PRKCB: variants seen among roughly 807,000 people sequenced by gnomAD.
PRKCB encodes protein kinase C beta type.
A neutral mutation model predicts 81.5 loss-of-function variants in PRKCB; 13 were observed. The observed-to-expected ratio is 0.16, with a 90% confidence interval of 0.10 to 0.25. The LOEUF is 0.25. PRKCB is among the 10% of genes least tolerant of loss of function. PRKCB has a pLI of 1.00. For missense variants in PRKCB, 509 were observed against 875.7 expected (o/e 0.58, Z 5.29); for synonymous variants, 335 against 321.4 (o/e 1.04, Z -0.45).
At chr16:24,085,907 A>G (rs1202239470) in intron 5 of PRKCB, among the ~76,000 whole-genome samples, 1 of 152,140 alleles carries the variant, frequency 6.6e-6, no homozygotes, top group Admixed American at 6.5e-5. Flanking sequence ...CAACACAGAT[A>G]ATTAGATGTG....
At chr16:24,108,971 C>A (rs1220553068) in intron 7 of PRKCB, among the ~76,000 whole-genome samples, 2 of 142,550 alleles carry the variant, frequency 1.4e-5, no homozygotes, top group Non-Finnish European at 1.5e-5. Flanking sequence ...GGGGGCTGGC[C>A]GGGCGGGGGA....
chr16:23,893,139 A>G (rs879018445), intron 2 of PRKCB: 1 of 152,164 alleles, frequency 6.6e-6, no homozygotes, highest in Non-Finnish European at 1.5e-5. Context: ...CTTCTCCTCA[A>G]AAAAATCTGA....
Position 24,188,051 on chromosome 16 carries a change from C to T in PRKCB, c.1722+2484C>T, listed in dbSNP as rs896831023. Among the ~76,000 whole-genome samples, 3 of 152,238 alleles carry T rather than the reference C, an allele frequency of 2.0e-5. No individual in the cohort carries two copies. The South Asian group carries it at 6.2e-4, about 31-fold the overall frequency. ...TCACACGCCCGCCCTGCCTGGACAG[C>T]TGGGGGTTCTAAATGGGTCATGGAG... On this transcript the variant is annotated intron_variant, in intron 15 of 16. Transcript: ENST00000643927.
intron 2 of PRKCB, among the ~76,000 whole-genome samples, chr16:23,875,370 A>G (rs1962977593): frequency 6.6e-6 from 1 of 151,948 alleles, no homozygotes; most frequent in Admixed American, 6.6e-5. Flanking sequence ...AAAATACTGG[A>G]TGAGACAAGA....
At position 23,927,394 on chromosome 16, in the gene PRKCB, G is replaced by A. The variant is rs1400829472; in HGVS notation, c.206-61114G>A. On this transcript the variant is annotated intron_variant, in intron 2 of 16. Transcript: ENST00000643927. ...GGGGATGTGTTTAGGGACAAGCTCAGAGAAAAGGAAGTAAGGAACCCTGTC... is the reference window on the plus strand; with the variant it reads ...GGGGATGTGTTTAGGGACAAGCTCAAAGAAAAGGAAGTAAGGAACCCTGTC... Among the ~76,000 whole-genome samples the A allele has an allele frequency of 1.3e-5, 2 of 152,098 alleles. 1 individual carries two copies. Among genetic ancestry groups the A allele is most frequent in the Middle Eastern group, 6.3e-3 (2 of 316 alleles).
intron 10 of PRKCB, among the ~76,000 whole-genome samples, chr16:24,155,405 C>A (rs1339389808): frequency 6.6e-6 from 1 of 152,204 alleles, no homozygotes; most frequent in East Asian, 1.9e-4. Context: ...CCATTTTCTG[C>A]TCTTGACTGT....
chr16:24,184,427 C>G (rs1967671770), intron 13 of PRKCB, among the ~76,000 whole-genome samples: 1 of 151,206 alleles, frequency 6.6e-6, no homozygotes, highest in Non-Finnish European at 1.5e-5. Context: ...TGCACTCCAG[C>G]CTGGGTGACA....
chr16:23,978,451 C>G (rs1053444224), intron 2 of PRKCB, among the ~76,000 whole-genome samples: 1 of 152,214 alleles, frequency 6.6e-6, no homozygotes, highest in South Asian at 2.1e-4. Flanking sequence ...GTGGAATGTG[C>G]CATTTCTATT....
intron 5 of PRKCB, among the ~76,000 whole-genome samples, chr16:24,082,292 G>T (rs930972840): frequency 6.6e-6 from 1 of 152,204 alleles, no homozygotes; most frequent in African/African-American, 2.4e-5. Flanking sequence ...TCTTACGATT[G>T]ATTTGTAGGC....
intron 8 of PRKCB, among the ~76,000 whole-genome samples, chr16:24,113,962 A>C (rs1966708196): frequency 6.6e-6 from 1 of 151,888 alleles, no homozygotes; most frequent in South Asian, 2.1e-4. Flanking sequence ...CACACCTGTA[A>C]TTCCAGCACT....
At chr16:24,129,065 C>A (rs1016566172) in intron 9 of PRKCB, among the ~76,000 whole-genome samples, 2 of 152,138 alleles carry the variant, frequency 1.3e-5, no homozygotes, top group South Asian at 4.1e-4. Context: ...ATATTATAAA[C>A]GTGATTCCTC....
chr16:24,039,588 G>A (rs1044501400), intron 5 of PRKCB, among the ~76,000 whole-genome samples: 1 of 152,198 alleles, frequency 6.6e-6, no homozygotes, highest in Non-Finnish European at 1.5e-5. Flanking sequence ...GCCTGAGCTG[G>A]CTGATATAGT....
At chr16:24,106,993 C>T (rs762555821) in intron 7 of PRKCB, among the ~76,000 whole-genome samples, 2 of 152,100 alleles carry the variant, frequency 1.3e-5, no homozygotes, top group Non-Finnish European at 2.9e-5. Flanking sequence ...ATAAAGCATT[C>T]GGTTCAACTC....
At position 24,193,468 on chromosome 16, in the gene PRKCB, T is replaced by TAAATAAAAA. The variant is rs56740119; in HGVS notation, c.1863+2245_1863+2246insAAAAATAAA. On this transcript the variant is annotated intron_variant, in intron 16 of 16. Transcript: ENST00000643927. ...TCAAATAAATAAATAAATAAATAAA[T>TAAATAAAAA]AAATAAATAAATAAATAAATAAATA... 4.0e-4 allele frequency among the ~76,000 whole-genome samples: 41 copies of TAAATAAAAA among 103,592 alleles called. 1 individual carries two copies. Among genetic ancestry groups the TAAATAAAAA allele is most frequent in the Non-Finnish European group, 6.7e-4 (33 of 48,974 alleles). The allele number at this position is 103,592 out of a possible 152,430, so 68.0% of individuals were successfully genotyped here.
intron 5 of PRKCB, among the ~76,000 whole-genome samples, chr16:24,036,976 C>T (rs571750833): frequency 1.3e-5 from 2 of 152,212 alleles, no homozygotes; most frequent in African/African-American, 4.8e-5. Context: ...TCCACCTTCA[C>T]AACATTGTGA....
At chr16:23,909,135 A>G (rs1351853145) in intron 2 of PRKCB, among the ~76,000 whole-genome samples, 1 of 152,222 alleles carries the variant, frequency 6.6e-6, no homozygotes, top group Non-Finnish European at 1.5e-5. Flanking sequence ...TTCGAAGTTC[A>G]TGATTCGCTT....
At chr16:23,897,634 C>G (rs2141121210) in intron 2 of PRKCB, among the ~76,000 whole-genome samples, 1 of 152,292 alleles carries the variant, frequency 6.6e-6, no homozygotes, top group East Asian at 1.9e-4. Context: ...GACCAGTTAT[C>G]TGCAACTGAC....
rs1967140692 is a variant in PRKCB at position 24,155,335 on chromosome 16, GGAGCTAGT to G, written c.1239+482_1239+489del. Reference sequence around the variant, plus strand: ...GGGAAGGTACACAGTGTCCTGGGAAGGAGCTAGTGAGTTCAGAGCCATGGCTGCCAAGG... The same window carrying G: ...GGGAAGGTACACAGTGTCCTGGGAAGGAGTTCAGAGCCATGGCTGCCAAGG... On this transcript the variant is annotated intron_variant, in intron 10 of 16. Transcript: ENST00000643927. 2.0e-5 allele frequency among the ~76,000 whole-genome samples: 3 copies of G among 152,370 alleles called. No individual in the cohort carries two copies. In the South Asian group the frequency reaches 6.2e-4, roughly 32 times the overall value.
intron 2 of PRKCB, among the ~76,000 whole-genome samples, chr16:23,911,059 C>A (rs1302844928): frequency 7.0e-6 from 1 of 143,214 alleles, no homozygotes; most frequent in East Asian, 2.2e-4. Context: ...TCTATTTATT[C>A]ATCAATTAGT....
Sources: gnomAD v4.1 joint callset for allele counts (sites outside exome capture counted in the v4.1 genomes callset) on GRCh38, gnomAD v4.1.1 for gene constraint, MANE v1.5 for transcripts, NCBI Gene and HGNC (gene_info 2026-07-23, HGNC 2026-07-21) for gene names.